The following CNTNAP4 variants were observed in gnomAD, a reference collection of about 807,000 sequenced individuals.
The protein encoded by CNTNAP4 is contactin-associated protein-like 4.
Under a neutral mutation model 148.4 loss-of-function variants are expected in CNTNAP4, and 98 were observed. The ratio of observed to expected loss-of-function variants is 0.66; its 90% confidence interval spans 0.56 to 0.78. The LOEUF (loss-of-function observed/expected upper bound fraction) is 0.78. Ranked by LOEUF, CNTNAP4 falls within the 30% of genes least tolerant of loss-of-function variation. The pLI is 0.00. For missense variants in CNTNAP4, 1,935 were observed against 1,565.6 expected, an observed-to-expected ratio of 1.24 and a Z score of -3.98; for synonymous variants, 730 against 565.1, an observed-to-expected ratio of 1.29 and a Z score of -4.14.
intron 2 of CNTNAP4, among the ~76,000 whole-genome samples, chr16:76,350,342 T>G (rs1040958037): frequency 3.9e-5 from 6 of 151,916 alleles, no homozygotes; most frequent in Non-Finnish European, 8.8e-5. Context: ...AATACTTTTG[T>G]TTTTTTTCTT....
Position 76,535,773 on chromosome 16 carries a change from T to A in CNTNAP4, c.2984T>A (p.Phe995Tyr). The change falls in exon 18 of 24, where the codon TTC (phenylalanine) becomes TAC (tyrosine). Residue 995 changes from phenylalanine to tyrosine, a missense_variant. Physicochemically the swap from Phe to Tyr is conservative, Grantham distance 22. Coordinates refer to ENST00000611870, the MANE Select transcript of CNTNAP4 (RefSeq NM_033401.5). ...DCTFSAYTGPFCSNEISAYFG... is the reference protein window; with the variant it reads ...DCTFSAYTGPYCSNEISAYFG... ...ACTTTCTCTGCATACACAGGGCCATTCTGCTCAAATGGTAAGTGTGGCATG... is the reference window on the plus strand; with the variant it reads ...ACTTTCTCTGCATACACAGGGCCATACTGCTCAAATGGTAAGTGTGGCATG... 6.2e-7 allele frequency: 1 copy of A among 1,613,638 alleles called. No homozygotes were observed. Among genetic ancestry groups the A allele is most frequent in the Non-Finnish European group, 8.5e-7 (1 of 1,179,688 alleles).
At position 76,508,671 on chromosome 16, in the gene CNTNAP4, C is replaced by A. The variant is rs1411742238; in HGVS notation, c.2365+9977C>A. Among the ~76,000 whole-genome samples the A allele has an allele frequency of 9.5e-5, 9 of 94,532 alleles. 2 individuals carry two copies. The highest frequency in any genetic ancestry group is 2.1e-4 in the African/African-American group (8 of 38,302). The allele number at this position is 94,532 out of a possible 152,430, so 62.0% of individuals were successfully genotyped here. The stretch of plus-strand genomic sequence containing the variant: ...CTGATAGTTGTCAGGACCATGGTAT[C>A]CTTTTGGGGGAATTTTATACATATG... On this transcript the variant is annotated intron_variant, in intron 15 of 23. Coordinates refer to ENST00000611870, the MANE Select transcript of CNTNAP4 (RefSeq NM_033401.5).
chr16:76,384,455 C>T (rs1388168026), intron 3 of CNTNAP4, among the ~76,000 whole-genome samples: 2 of 152,142 alleles, frequency 1.3e-5, no homozygotes, highest in East Asian at 1.9e-4. Flanking sequence ...AAGTTGGTTG[C>T]CTCAGTAAGG....
chr16:76,369,821 A>G (rs2014586762), intron 3 of CNTNAP4, among the ~76,000 whole-genome samples: 1 of 152,100 alleles, frequency 6.6e-6, no homozygotes, highest in Non-Finnish European at 1.5e-5. Context: ...CAGTCTGGGC[A>G]ACAGAGTGAG....
intron 3 of CNTNAP4, among the ~76,000 whole-genome samples, chr16:76,424,574 T>TA (rs1292570805): frequency 2.0e-5 from 3 of 151,810 alleles, no homozygotes; most frequent in African/African-American, 7.3e-5. Flanking sequence ...GCCAACATGG[T>TA]AAAATCCCAT....
intron 3 of CNTNAP4, among the ~76,000 whole-genome samples, chr16:76,368,881 A>C (rs545616496): frequency 6.6e-6 from 1 of 152,284 alleles, no homozygotes; most frequent in South Asian, 2.1e-4. Context: ...CACTCGCCCC[A>C]TTTGAAGAGC....
chr16:76,318,661 A>T (rs970465116), intron 2 of CNTNAP4, among the ~76,000 whole-genome samples: 3 of 150,868 alleles, frequency 2.0e-5, no homozygotes, highest in Non-Finnish European at 4.4e-5. Flanking sequence ...TATTTCTAGT[A>T]TTGAAATACT....
At chr16:76,478,753 C>T (rs543497140) in intron 11 of CNTNAP4, among the ~76,000 whole-genome samples, 3 of 152,168 alleles carry the variant, frequency 2.0e-5, no homozygotes, top group South Asian at 4.2e-4. Context: ...ACTGAAACCA[C>T]TTGAAGGCAT....
At position 76,509,628 on chromosome 16, in the gene CNTNAP4, A is replaced by G. The variant is rs531140604; in HGVS notation, c.2365+10934A>G. Among the ~76,000 whole-genome samples the G allele has an allele frequency of 7.6e-4, 74 of 97,490 alleles. 13 individuals carry two copies. In the Middle Eastern group the frequency reaches 0.029, roughly 38 times the overall value. 64.0% of individuals were successfully genotyped at this position (97,490 alleles called of 152,430 possible). On this transcript the variant is annotated intron_variant, in intron 15 of 23. Transcript: ENST00000611870. ...CATTTTATATTAAATGTATTTTTAA[A>G]TTATAAGCAGCATTTATCTACTGTG...
At chr16:76,485,275 G>A (rs545265285) in intron 12 of CNTNAP4, among the ~76,000 whole-genome samples, 4 of 152,022 alleles carry the variant, frequency 2.6e-5, no homozygotes, top group South Asian at 4.2e-4. Context: ...GCACCACCAC[G>A]CCCAGCCAAT....
chr16:76,378,692 C>A (rs925852339), intron 3 of CNTNAP4, among the ~76,000 whole-genome samples: 3 of 152,160 alleles, frequency 2.0e-5, no homozygotes, highest in African/African-American at 7.2e-5. Flanking sequence ...GACCACACTC[C>A]AGCTTTCTAG....
At chr16:76,461,160 TTA>T (rs1297065072) in intron 8 of CNTNAP4, among the ~76,000 whole-genome samples, 1 of 152,122 alleles carries the variant, frequency 6.6e-6, no homozygotes, top group African/African-American at 2.4e-5. Context: ...CAGTTCAGCA[TTA>T]TGTTTGGGGG....
chr16:76,451,937 A>G (rs765815254), intron 7 of CNTNAP4, among the ~76,000 whole-genome samples: 26 of 152,182 alleles, frequency 1.7e-4, no homozygotes, highest in Non-Finnish European at 3.2e-4. Flanking sequence ...TGGACATCCC[A>G]ATTATCCCGA....
Position 76,467,405 on chromosome 16 carries a change from C to G in CNTNAP4, c.1537C>G (p.Gln513Glu), listed in dbSNP as rs776036366. 1.9e-6 allele frequency: 3 copies of G among 1,613,848 alleles called. No homozygotes were observed. Among genetic ancestry groups the G allele is most frequent in the East Asian group, 4.5e-5 (2 of 44,866 alleles). The part of the protein sequence containing the change: ...SKCKSPLGGF[Q>E]GCMRLISISG... ...ATGTAAAAGTCCACTTGGTGGATTTCAGGGATGTATGAGGCTCATTTCTAT... is the reference window on the plus strand; with the variant it reads ...ATGTAAAAGTCCACTTGGTGGATTTGAGGGATGTATGAGGCTCATTTCTAT... Residue 513 changes from glutamine to glutamate, a missense_variant, in exon 10 of 24, where the codon CAG (glutamine) becomes GAG (glutamate). By Grantham distance (29) the Gln-to-Glu change is conservative. Transcript: ENST00000611870.
At chr16:76,427,637 C>T in intron 4 of CNTNAP4, 38 bp downstream of exon 4, 3 of 1,522,076 alleles carry the variant, frequency 2.0e-6, no homozygotes, top group South Asian at 2.6e-5. Context: ...ACATAGATAT[C>T]AAAAGAGATG....
intron 2 of CNTNAP4, among the ~76,000 whole-genome samples, chr16:76,351,710 G>A (rs1032407877): frequency 1.3e-5 from 2 of 152,136 alleles, no homozygotes; most frequent in African/African-American, 4.8e-5. Context: ...AATGTTCAAG[G>A]TCAATTAACT....
intron 17 of CNTNAP4, among the ~76,000 whole-genome samples, chr16:76,525,471 GA>G (rs914085003): frequency 5.4e-5 from 8 of 146,990 alleles, no homozygotes; most frequent in South Asian, 2.1e-4. Context: ...ATAATATAGA[GA>G]AAAAATATAT....
chr16:76,300,877 A>G (rs778654392), intron 1 of CNTNAP4, among the ~76,000 whole-genome samples: 12 of 152,108 alleles, frequency 7.9e-5, no homozygotes, highest in Non-Finnish European at 1.5e-4. Flanking sequence ...AAGTACCTGG[A>G]TGTCAAGGAA....
At chr16:76,386,192 T>G (rs1197249411) in intron 3 of CNTNAP4, among the ~76,000 whole-genome samples, 1 of 152,160 alleles carries the variant, frequency 6.6e-6, no homozygotes, top group Non-Finnish European at 1.5e-5. Flanking sequence ...ATACAGTATC[T>G]ATGAATAATG....
Sources: gnomAD v4.1 joint callset for allele counts (sites outside exome capture counted in the v4.1 genomes callset) on GRCh38, gnomAD v4.1.1 for gene constraint, MANE v1.5 for transcripts, NCBI Gene and HGNC (gene_info 2026-07-23, HGNC 2026-07-21) for gene names.